Variants in CFHR5 observed in about 807,000 individuals in gnomAD.
CFHR5 encodes the protein complement factor H related 5, also known as complement factor H-related protein 5.
CFHR5 carries 73 observed loss-of-function variants against 62.9 expected under a neutral mutation model. That is an observed-to-expected ratio of 1.16 (90% CI 0.96 to 1.41). CFHR5 has a LOEUF of 1.41. CFHR5 is among the 40% of genes most tolerant of loss of function. The pLI is 0.00. For missense variants in CFHR5, 779 were observed against 679.9 expected, an observed-to-expected ratio of 1.15 and a Z score of -1.62; for synonymous variants, 249 against 227.2, an observed-to-expected ratio of 1.10 and a Z score of -0.86.
Position 197,004,780 on chromosome 1 carries a change from C to G in CFHR5, c.1450C>G (p.Leu484Val), listed in dbSNP as rs1654242080. The G allele has an allele frequency of 6.2e-7, 1 of 1,613,672 alleles. No individual in the cohort carries two copies. Residue 484 changes from leucine (L) to valine (V), a missense_variant, in exon 9 of 10, where the codon CTC (leucine) becomes GTC (valine). Physicochemically the swap from Leu to Val is conservative, Grantham distance 32 (BLOSUM62 1). Transcript: ENST00000256785. Reference sequence around the variant, plus strand: ...GTACCGTTGCCAGTCCTTCTATAAACTCCAGGGCTCTGTAACTGTAACATG... The same window carrying G: ...GTACCGTTGCCAGTCCTTCTATAAAGTCCAGGGCTCTGTAACTGTAACATG... ...VTYRCQSFYK[L>V]QGSVTVTCRN...
chr1:196,997,527 C>A (rs928573691), intron 6 of CFHR5, among the ~76,000 whole-genome samples: 1 of 152,038 alleles, frequency 6.6e-6, no homozygotes, highest in African/African-American at 2.4e-5. Context: ...AAAAATGTAA[C>A]AATGAGAACT....
intron 7 of CFHR5, among the ~76,000 whole-genome samples, chr1:196,999,263 T>C (rs950130293): frequency 6.6e-6 from 1 of 151,950 alleles, no homozygotes; most frequent in African/African-American, 2.4e-5. Flanking sequence ...AACTGGAACA[T>C]TTTTATGTTT....
chr1:196,998,208 C>T lies in CFHR5; in HGVS notation c.1051C>T (p.His351Tyr), dbSNP rs1290335055. The change falls in exon 7 of 10, where the codon CAT (histidine) becomes TAT (tyrosine). Residue 351 changes from histidine to tyrosine, a missense_variant. By Grantham distance (83) the His-to-Tyr change is moderately conservative (BLOSUM62 2). Coordinates refer to ENST00000256785, the MANE Select transcript of CFHR5 (RefSeq NM_030787.4). ...CAAGCTATCTGGGAAAGAATTTAAT[C>T]ATAATTCTAGAATACGTTACAGATG... is the stretch of plus-strand genomic sequence containing the variant. ...LLKLSGKEFN[H>Y]NSRIRYRCSD... The T allele has an allele frequency of 1.9e-6, 3 of 1,604,444 alleles. No homozygotes were observed. Among genetic ancestry groups the T allele is most frequent in the South Asian group, 1.1e-5 (1 of 89,936 alleles).
At chr1:197,000,697 G>T (rs1234877835) in intron 7 of CFHR5, among the ~76,000 whole-genome samples, 1 of 152,144 alleles carries the variant, frequency 6.6e-6, no homozygotes, top group Non-Finnish European at 1.5e-5. Context: ...TAGATTGGCA[G>T]CACAGGCCTT....
At chr1:196,983,540 A>T (rs182006790) in intron 2 of CFHR5, among the ~76,000 whole-genome samples, 20 of 152,306 alleles carry the variant, frequency 1.3e-4, no homozygotes, top group African/African-American at 4.3e-4. Flanking sequence ...TAATCCTCCA[A>T]TAAATGTAGA....
chr1:197,008,471 C>A lies in CFHR5; in HGVS notation c.1514-16C>A. The stretch of plus-strand genomic sequence containing the variant: ...ATTATTATTTATTTATTTTATTTTA[C>A]CATTTCTTCTTTCAGATCCATGTGT... On this transcript the variant is annotated splice_polypyrimidine_tract_variant and intron_variant, in intron 9 of 9. Transcript: ENST00000256785. The A allele has an allele frequency of 6.9e-7, 1 of 1,459,414 alleles. No homozygotes were observed. 90.4% of individuals were successfully genotyped at this position (1,459,414 alleles called of 1,614,324 possible).
chr1:197,004,747 A>G lies in CFHR5; in HGVS notation c.1417A>G (p.Thr473Ala), dbSNP rs779757280. ...ATTATCAGTATATCCTCCAGGGTCAACAGTGACGTACCGTTGCCAGTCCTT... is the reference window on the plus strand; with the variant it reads ...ATTATCAGTATATCCTCCAGGGTCAGCAGTGACGTACCGTTGCCAGTCCTT... ...FPLSVYPPGS[T>A]VTYRCQSFYK... The change falls in exon 9 of 10, where the codon ACA becomes GCA. Residue 473 changes from threonine (T) to alanine (A), a missense_variant. Thr to Ala is a moderately conservative substitution (Grantham distance 58). Coordinates refer to ENST00000256785, the MANE Select transcript of CFHR5 (RefSeq NM_030787.4). 9.9e-6 allele frequency: 16 copies of G among 1,613,312 alleles called. No homozygotes were observed. Among genetic ancestry groups the G allele is most frequent in the Non-Finnish European group, 1.4e-5 (16 of 1,179,310 alleles).
rs1016157060 is a variant in CFHR5, at chr1:197,009,506, AT to A, written c.*827del. The A allele has an allele frequency of 3.3e-5, 5 of 152,180 alleles. No individual in the cohort carries two copies. Among genetic ancestry groups the A allele is most frequent in the African/African-American group, 1.2e-4 (5 of 41,438 alleles). The allele number at this position is 152,180 out of a possible 1,614,324, so 9.4% of individuals were successfully genotyped here. On this transcript the variant is annotated 3_prime_UTR_variant, in exon 10 of 10. Transcript: ENST00000256785. ...TTATTTAAAAGGAAATGTAGATGTTATTTTAGTCTCTATCTTCATGTTATTA... is the reference window on the plus strand; with the variant it reads ...TTATTTAAAAGGAAATGTAGATGTTATTTAGTCTCTATCTTCATGTTATTA...
At chr1:196,986,736 T>C (rs745409912) in intron 3 of CFHR5, among the ~76,000 whole-genome samples, 5 of 152,204 alleles carry the variant, frequency 3.3e-5, no homozygotes, top group Non-Finnish European at 7.3e-5. Flanking sequence ...CCATGGTGTA[T>C]GTGTGCCGCA....
intron 9 of CFHR5, among the ~76,000 whole-genome samples, 195 bp from the exon 10 acceptor site, chr1:197,008,292 A>G (rs1226250817): frequency 6.6e-6 from 1 of 151,554 alleles, no homozygotes. Flanking sequence ...CTTAGCATTT[A>G]TTTCCTCATA....
intron 3 of CFHR5, among the ~76,000 whole-genome samples, chr1:196,990,038 A>G (rs878900914): frequency 6.6e-6 from 1 of 152,140 alleles, no homozygotes; most frequent in Non-Finnish European, 1.5e-5. Context: ...GACTGGCTTT[A>G]TTAATCTGGG....
chr1:196,988,318 G>A (rs1009742671), intron 3 of CFHR5, among the ~76,000 whole-genome samples: 7 of 152,148 alleles, frequency 4.6e-5, no homozygotes, highest in Non-Finnish European at 7.4e-5. Context: ...TCTGCAAACA[G>A]CAACAATTTG....
chr1:196,998,182 T>C lies in CFHR5; in HGVS notation c.1025T>C (p.Leu342Pro). ...KIAGVNIKTL[L>P]KLSGKEFNHN... ...GCAGGAGTTAATATAAAAACATTAC[T>C]CAAGCTATCTGGGAAAGAATTTAAT... Residue 342 changes from leucine (L) to proline (P), a missense_variant, in exon 7 of 10, where the codon CTC becomes CCC. Physicochemically the swap from Leu to Pro is moderately conservative, Grantham distance 98. Coordinates refer to ENST00000256785, the MANE Select transcript of CFHR5 (RefSeq NM_030787.4). 1 of 1,598,428 alleles carries C rather than the reference T, an allele frequency of 6.3e-7. No individual in the cohort carries two copies. The highest frequency in any genetic ancestry group is 8.5e-7 in the Non-Finnish European group (1 of 1,171,194).
intron 2 of CFHR5, 63 bp from the exon 3 acceptor site, chr1:196,983,898 T>C (rs919046647): frequency 1.1e-5 from 13 of 1,176,932 alleles, no homozygotes; most frequent in Admixed American, 1.9e-5. Flanking sequence ...CTTAATGAAA[T>C]ATTTTTAAAT....
rs1654363126 is a variant in CFHR5 at position 197,008,806 on chromosome 1, T to G, written c.*123T>G. 1 of 826,114 alleles carries G rather than the reference T, an allele frequency of 1.2e-6. No individual in the cohort carries two copies. Among genetic ancestry groups the G allele is most frequent in the African/African-American group, 1.7e-5 (1 of 58,384 alleles). The allele number at this position is 826,114 out of a possible 1,614,324, so 51.2% of individuals were successfully genotyped here. Reference sequence around the variant, plus strand: ...CAGGTGTTGTTTAACTCAGTTTTATTTAGAACTCTGGATTTTTAGAGCTTT... The same window carrying G: ...CAGGTGTTGTTTAACTCAGTTTTATGTAGAACTCTGGATTTTTAGAGCTTT... On this transcript the variant is annotated 3_prime_UTR_variant, in exon 10 of 10. Transcript: ENST00000256785.
chr1:196,998,749 C>A (rs1654057930), intron 7 of CFHR5, among the ~76,000 whole-genome samples: 1 of 151,910 alleles, frequency 6.6e-6, no homozygotes, highest in African/African-American at 2.4e-5. Context: ...AAGAAAAAGT[C>A]TCACATTCCT....
intron 9 of CFHR5, among the ~76,000 whole-genome samples, chr1:197,007,077 C>T (rs1199845991): frequency 6.6e-6 from 1 of 151,842 alleles, no homozygotes; most frequent in Non-Finnish European, 1.5e-5. Flanking sequence ...CCTCATGATC[C>T]ACCCGCCTCG....
intron 3 of CFHR5, among the ~76,000 whole-genome samples, chr1:196,989,546 T>G (rs1348216372): frequency 6.6e-6 from 1 of 152,168 alleles, no homozygotes; most frequent in Non-Finnish European, 1.5e-5. Flanking sequence ...TTTAAATGTG[T>G]CCCAGAGATT....
At chr1:197,006,432 C>G (rs1470606632) in intron 9 of CFHR5, among the ~76,000 whole-genome samples, 1 of 151,974 alleles carries the variant, frequency 6.6e-6, no homozygotes, top group Non-Finnish European at 1.5e-5. Context: ...TTTTTCCAGC[C>G]AGGCATGGTG....
Sources: allele counts gnomAD v4.1 joint callset (sites outside exome capture counted in the v4.1 genomes callset), GRCh38; gene constraint gnomAD v4.1.1; transcripts MANE v1.5; gene names NCBI Gene and HGNC (gene_info 2026-07-23, HGNC 2026-07-21).